The following FRMD6 variants were observed in gnomAD, a reference collection of about 807,000 sequenced individuals.
The protein encoded by FRMD6 is FERM domain containing 6, also known as FERM domain-containing protein 6.
Under a neutral mutation model 73.2 loss-of-function variants are expected in FRMD6, and 37 were observed. That is an observed-to-expected ratio of 0.51 (90% CI 0.39 to 0.66). FRMD6 has a LOEUF of 0.66. FRMD6 is among the 30% of genes least tolerant of loss of function. FRMD6 has a pLI of 0.00. For synonymous variants in FRMD6, 273 were observed against 282.2 expected (o/e 0.97, Z 0.33); for missense variants, 714 against 780.5 (o/e 0.91, Z 1.02).
At chr14:51,542,928 T>C (rs570141056) in intron 1 of FRMD6, among the ~76,000 whole-genome samples, 1 of 152,038 alleles carries the variant, frequency 6.6e-6, no homozygotes, top group African/African-American at 2.4e-5. Flanking sequence ...TTGGAGAAAA[T>C]TCTATCCAGG....
chr14:51,699,116 A>C (rs963961995), intron 3 of FRMD6, among the ~76,000 whole-genome samples: 1 of 152,094 alleles, frequency 6.6e-6, no homozygotes, highest in Non-Finnish European at 1.5e-5. Context: ...ATCAGTATAA[A>C]GTTGGTCAGC....
At chr14:51,723,177 T>C (rs530935883) in intron 12 of FRMD6, among the ~76,000 whole-genome samples, 3 of 152,288 alleles carry the variant, frequency 2.0e-5, no homozygotes, top group East Asian at 3.9e-4. Flanking sequence ...CTTTATGATA[T>C]TGAATTTTCT....
At chr14:51,668,494 CAG>C (rs1448105901) in intron 1 of FRMD6, among the ~76,000 whole-genome samples, 1 of 151,568 alleles carries the variant, frequency 6.6e-6, no homozygotes, top group Non-Finnish European at 1.5e-5. Context: ...TTAGTAGAGA[CAG>C]AGTTTTGTCA....
intron 2 of FRMD6, among the ~76,000 whole-genome samples, chr14:51,693,511 T>C (rs1273279633): frequency 6.6e-6 from 1 of 152,156 alleles, no homozygotes; most frequent in Non-Finnish European, 1.5e-5. Context: ...AGTTGTTTTG[T>C]TTTGTTGCTT....
chr14:51,493,289 T>C (rs796604166), intron 1 of FRMD6, among the ~76,000 whole-genome samples: 3 of 152,236 alleles, frequency 2.0e-5, no homozygotes, highest in Admixed American at 6.5e-5. Flanking sequence ...TTTTATTTCA[T>C]AGACACAGGC....
chr14:51,607,226 G>A (rs555412578), intron 2 of FRMD6, among the ~76,000 whole-genome samples: 1 of 152,190 alleles, frequency 6.6e-6, no homozygotes, highest in African/African-American at 2.4e-5. Flanking sequence ...GGGGGACAGC[G>A]GGAGAATGGA....
intron 1 of FRMD6, among the ~76,000 whole-genome samples, chr14:51,661,058 G>GT (rs1893189475): frequency 6.6e-6 from 1 of 152,204 alleles, no homozygotes; most frequent in Admixed American, 6.5e-5. Flanking sequence ...GGACTTGACT[G>GT]TGAGTGGAAT....
intron 1 of FRMD6, among the ~76,000 whole-genome samples, chr14:51,548,953 C>G (rs1886629279): frequency 6.6e-6 from 1 of 152,146 alleles, no homozygotes; most frequent in Non-Finnish European, 1.5e-5. Context: ...GCATTCTTAT[C>G]AACATTTGAG....
intron 2 of FRMD6, among the ~76,000 whole-genome samples, chr14:51,617,742 C>A (rs1285165732): frequency 1.3e-5 from 2 of 152,090 alleles, no homozygotes; most frequent in South Asian, 2.1e-4. Context: ...TTATTATTTT[C>A]TATGAATTAG....
the FRMD6 span, among the ~76,000 whole-genome samples, chr14:51,459,234 T>C: frequency 2.0e-5 from 3 of 152,246 alleles, no homozygotes. Context: ...TTTGCTATTT[T>C]TTCTAACTCT....
intron 1 of FRMD6, among the ~76,000 whole-genome samples, chr14:51,567,237 A>G (rs1164988026): frequency 6.6e-6 from 1 of 152,240 alleles, no homozygotes. Context: ...AATGTTGGCA[A>G]CTAACTCAAA....
intron 1 of FRMD6, among the ~76,000 whole-genome samples, chr14:51,558,140 T>C (rs56270364): frequency 0.18 from 27,240 of 152,120 alleles, 2,658 homozygotes; most frequent in Middle Eastern, 0.3. Context: ...ACCATTAATA[T>C]ATACAATTTT....
chr14:51,452,258 A>C, the FRMD6 span, among the ~76,000 whole-genome samples: 1 of 152,222 alleles, frequency 6.6e-6, no homozygotes, highest in Non-Finnish European at 1.5e-5. Context: ...AAGGGGGCCG[A>C]GTCAAAGGTG....
the FRMD6 span, among the ~76,000 whole-genome samples, chr14:51,430,209 A>T: frequency 6.6e-6 from 1 of 152,236 alleles, no homozygotes; most frequent in Non-Finnish European, 1.5e-5. Flanking sequence ...TTGGATTTAC[A>T]AGTCAACAAC....
chr14:51,630,308 T>G (rs1336125738), intron 2 of FRMD6, among the ~76,000 whole-genome samples: 3 of 152,134 alleles, frequency 2.0e-5, no homozygotes, highest in Non-Finnish European at 4.4e-5. Flanking sequence ...AATCGTCATT[T>G]TACAGGTAAA....
At chr14:51,595,963 G>T (rs1174375860) in intron 2 of FRMD6, among the ~76,000 whole-genome samples, 1 of 152,074 alleles carries the variant, frequency 6.6e-6, no homozygotes, top group Admixed American at 6.6e-5. Context: ...TTTGGTTTGT[G>T]CTTATGGAAA....
intron 2 of FRMD6, among the ~76,000 whole-genome samples, chr14:51,577,403 C>T (rs969451092): frequency 6.6e-6 from 1 of 152,188 alleles, no homozygotes; most frequent in African/African-American, 2.4e-5. Context: ...TCATGATCAT[C>T]AAATTTAGCT....
At chr14:51,515,754 G>A (rs529050598) in intron 1 of FRMD6, among the ~76,000 whole-genome samples, 46 of 152,286 alleles carry the variant, frequency 3.0e-4, no homozygotes, top group African/African-American at 1.1e-3. Flanking sequence ...AGACCCATCC[G>A]TTGGACTTGA....
At chr14:51,701,191 G>A in intron 4 of FRMD6, 32 bp downstream of exon 4, 1 of 1,327,956 alleles carries the variant, frequency 7.5e-7, no homozygotes, top group Non-Finnish European at 1.0e-6. Context: ...AAATTATTTT[G>A]ATTTTTTTTA....
Sources: allele counts gnomAD v4.1 joint callset (sites outside exome capture counted in the v4.1 genomes callset), GRCh38; gene constraint gnomAD v4.1.1; transcripts MANE v1.5; gene names NCBI Gene and HGNC (gene_info 2026-07-23, HGNC 2026-07-21).